Variants in SIPA1L3 observed in about 807,000 individuals in gnomAD.
The protein encoded by SIPA1L3 is signal induced proliferation associated 1 like 3, also known as signal-induced proliferation-associated 1-like protein 3.
Under a neutral mutation model 150.1 loss-of-function variants are expected in SIPA1L3, and 59 were observed. That is an observed-to-expected ratio of 0.39 (90% CI 0.32 to 0.49). The LOEUF (loss-of-function observed/expected upper bound fraction) is 0.49. Among genes scored for constraint, SIPA1L3 ranks in the 20% least tolerant of loss-of-function variants. SIPA1L3 has a pLI of 0.86. For missense variants in SIPA1L3, 2,211 were observed against 2,489.5 expected, an observed-to-expected ratio of 0.89 and a Z score of 2.38; for synonymous variants, 1,070 against 1,077.6, an observed-to-expected ratio of 0.99 and a Z score of 0.14.
Position 37,962,310 on chromosome 19 carries a change from A to AT in SIPA1L3, c.-379+54957dup, listed in dbSNP as rs555952647. On this transcript the variant is annotated intron_variant, in intron 1 of 21. Coordinates refer to ENST00000222345, the MANE Select transcript of SIPA1L3 (RefSeq NM_015073.3). Reference sequence around the variant, plus strand: ...AGGCCTGCGCCACCACGCCTGGCTGATTTTTGTATTTTTACTAGAGATGGG... The same window carrying AT: ...AGGCCTGCGCCACCACGCCTGGCTGATTTTTTGTATTTTTACTAGAGATGGG... Among the ~76,000 whole-genome samples the AT allele has an allele frequency of 1.5e-4, 22 of 150,954 alleles. No individual in the cohort carries two copies. The South Asian group carries it at 4.0e-3, about 27-fold the overall frequency.
chr19:38,206,740 C>T lies in SIPA1L3; in HGVS notation c.*500C>T, dbSNP rs376993063. Reference sequence around the variant, plus strand: ...CCCACACCCAGAGAGGTGAGGCCCGCGTGGACACAGACCAGGGCGCCTCGG... The same window carrying T: ...CCCACACCCAGAGAGGTGAGGCCCGTGTGGACACAGACCAGGGCGCCTCGG... On this transcript the variant is annotated 3_prime_UTR_variant, in exon 22 of 22. Coordinates refer to ENST00000222345, the MANE Select transcript of SIPA1L3 (RefSeq NM_015073.3). The T allele has an allele frequency of 2.6e-5, 4 of 152,964 alleles. No homozygotes were observed. Among genetic ancestry groups the T allele is most frequent in the Admixed American group, 6.5e-5 (1 of 15,290 alleles). 9.5% of individuals were successfully genotyped at this position (152,964 alleles called of 1,614,324 possible). A position where few individuals can be genotyped will look rare whatever the true frequency, so the allele number is the denominator to read the frequency against.
chr19:37,993,997 C>G (rs916691275), intron 1 of SIPA1L3, among the ~76,000 whole-genome samples: 1 of 152,160 alleles, frequency 6.6e-6, no homozygotes, highest in Non-Finnish European at 1.5e-5. Flanking sequence ...TGGGCTCAAG[C>G]AATCCTCCTA....
intron 7 of SIPA1L3, among the ~76,000 whole-genome samples, chr19:38,107,553 A>G (rs1049235581): frequency 2.6e-5 from 4 of 152,262 alleles, no homozygotes; most frequent in Non-Finnish European, 5.9e-5. Flanking sequence ...CCTAATGAAC[A>G]GAAGCCCCAG....
chr19:37,977,810 G>A (rs538428682), intron 1 of SIPA1L3, among the ~76,000 whole-genome samples: 12 of 152,286 alleles, frequency 7.9e-5, no homozygotes, highest in East Asian at 5.8e-4. Context: ...GATTTGCACG[G>A]TCTCCTCCTC....
intron 2 of SIPA1L3, among the ~76,000 whole-genome samples, chr19:38,066,018 A>T (rs943140372): frequency 1.1e-3 from 155 of 140,222 alleles, no homozygotes; most frequent in Non-Finnish European, 1.9e-3. Flanking sequence ...TTATTTATTT[A>T]TTTATTTATT....
chr19:38,138,456 A>G (rs1158606086), intron 10 of SIPA1L3, among the ~76,000 whole-genome samples: 1 of 152,194 alleles, frequency 6.6e-6, no homozygotes, highest in Non-Finnish European at 1.5e-5. Flanking sequence ...CGTAGCCGAC[A>G]AGACTAGGAG....
At chr19:38,182,136 C>CATAAAAAAA (rs1972567960) in intron 15 of SIPA1L3, among the ~76,000 whole-genome samples, 2 of 130,120 alleles carry the variant, frequency 1.5e-5, no homozygotes, top group African/African-American at 6.6e-5. Flanking sequence ...GACCCTGTCT[C>CATAAAAAAA]AAAAAAAAAA....
At position 37,965,731 on chromosome 19, in the gene SIPA1L3, C is replaced by T. The variant is rs941792085; in HGVS notation, c.-379+58373C>T. ...ACCTCCCTGCCCCCACCCCTAGTCC[C>T]TGCATTCTAGATTCCTTAATTGTAT... On this transcript the variant is annotated intron_variant, in intron 1 of 21. Coordinates refer to ENST00000222345, the MANE Select transcript of SIPA1L3 (RefSeq NM_015073.3). 2.6e-5 allele frequency among the ~76,000 whole-genome samples: 4 copies of T among 151,040 alleles called. No homozygotes were observed. In the South Asian group the frequency reaches 8.5e-4, roughly 32 times the overall value.
rs753042492 is a variant in SIPA1L3 at position 38,164,295 on chromosome 19, A to T, written c.3781-184A>T. Among the ~76,000 whole-genome samples the T allele has an allele frequency of 6.6e-6, 1 of 152,074 alleles. No homozygotes were observed. Among genetic ancestry groups the T allele is most frequent in the Non-Finnish European group, 1.5e-5 (1 of 68,018 alleles). Reference sequence around the variant, plus strand: ...CTTACTATCACCCTCCATTTTACAGATGTGGAAACTGAGGCTGAGGGAAGG... The same window carrying T: ...CTTACTATCACCCTCCATTTTACAGTTGTGGAAACTGAGGCTGAGGGAAGG... On this transcript the variant is annotated intron_variant, in intron 14 of 21. Coordinates refer to ENST00000222345, the MANE Select transcript of SIPA1L3 (RefSeq NM_015073.3). The surrounding 1 kb of genome is among the most constrained non-coding windows in gnomAD (Gnocchi z 4.1).
At chr19:38,008,257 T>C (rs1968011466) in intron 1 of SIPA1L3, among the ~76,000 whole-genome samples, 1 of 136,410 alleles carries the variant, frequency 7.3e-6, no homozygotes, top group South Asian at 2.7e-4. Context: ...AGATGGAGTC[T>C]TGCTCTGTCT....
intron 1 of SIPA1L3, among the ~76,000 whole-genome samples, chr19:38,018,923 CAT>C (rs1968302491): frequency 6.6e-6 from 1 of 152,182 alleles, no homozygotes; most frequent in Admixed American, 6.5e-5. Context: ...CTCAACATCT[CAT>C]ATATTTCTCA....
intron 4 of SIPA1L3, among the ~76,000 whole-genome samples, chr19:38,092,102 C>T (rs1214651040): frequency 6.6e-6 from 1 of 150,982 alleles, no homozygotes; most frequent in Non-Finnish European, 1.5e-5. Flanking sequence ...TATAGGCAGG[C>T]ATGGTGGCTC....
chr19:37,984,029 A>G (rs1011247956), intron 1 of SIPA1L3, among the ~76,000 whole-genome samples: 2 of 152,120 alleles, frequency 1.3e-5, no homozygotes, highest in African/African-American at 2.4e-5. Flanking sequence ...GCACGAAACT[A>G]TGTGTTCTTT....
At chr19:38,148,696 C>T (rs1165523156) in intron 12 of SIPA1L3, among the ~76,000 whole-genome samples, 1 of 152,140 alleles carries the variant, frequency 6.6e-6, no homozygotes, top group Admixed American at 6.6e-5. Flanking sequence ...TGGTGCTTTC[C>T]TCTGTGGCCA....
intron 2 of SIPA1L3, among the ~76,000 whole-genome samples, chr19:38,061,040 G>A (rs1969435814): frequency 6.6e-6 from 1 of 151,992 alleles, no homozygotes; most frequent in Non-Finnish European, 1.5e-5. Flanking sequence ...TTCCGAATTA[G>A]TACTTCTTGG....
At chr19:38,100,617 G>A (rs1423138046) in intron 5 of SIPA1L3, among the ~76,000 whole-genome samples, 2 of 152,210 alleles carry the variant, frequency 1.3e-5, no homozygotes, top group South Asian at 2.1e-4. Context: ...TGACCAGGGG[G>A]ATCCGGGATA....
intron 2 of SIPA1L3, among the ~76,000 whole-genome samples, chr19:38,079,642 A>G (rs1008768972): frequency 6.7e-6 from 1 of 150,308 alleles, no homozygotes; most frequent in Non-Finnish European, 1.5e-5. Context: ...TGCAATCTCA[A>G]CCTCCCGGGT....
chr19:37,974,595 G>A (rs1423704522), intron 1 of SIPA1L3, among the ~76,000 whole-genome samples: 2 of 152,176 alleles, frequency 1.3e-5, no homozygotes, highest in Non-Finnish European at 2.9e-5. Flanking sequence ...CTGTCATGAG[G>A]GCAGAGGGTG....
intron 1 of SIPA1L3, chr19:37,932,274 G>A (rs2046560953): frequency 6.6e-6 from 1 of 152,330 alleles, no homozygotes; most frequent in Admixed American, 6.5e-5. Flanking sequence ...TAATAGGCGA[G>A]CCGCCTTTGT....
Sources: allele counts gnomAD v4.1 joint callset (sites outside exome capture counted in the v4.1 genomes callset), GRCh38; gene constraint gnomAD v4.1.1; non-coding constraint Gnocchi (gnomAD v3.1); transcripts MANE v1.5; gene names NCBI Gene and HGNC (gene_info 2026-07-23, HGNC 2026-07-21).